DLG2: variants seen among roughly 807,000 people sequenced by gnomAD.
DLG2 encodes disks large homolog 2.
A neutral mutation model predicts 132.5 loss-of-function variants in DLG2; 45 were observed. That is an observed-to-expected ratio of 0.34 (90% confidence interval 0.27 to 0.44). The LOEUF is 0.44. DLG2 is among the 20% of genes least tolerant of loss of function. DLG2 has a pLI of 1.00. For missense variants in DLG2, 1,045 were observed against 1,196.9 expected, an observed-to-expected ratio of 0.87 and a Z score of 1.87; for synonymous variants, 424 against 419.6, an observed-to-expected ratio of 1.01 and a Z score of -0.13.
chr11:83,688,017 A>T (rs2080131679), intron 18 of DLG2, among the ~76,000 whole-genome samples: 1 of 148,344 alleles, frequency 6.7e-6, no homozygotes, highest in Non-Finnish European at 1.5e-5. Context: ...TCTCAAAAGA[A>T]AAAAAAAAAA....
intron 7 of DLG2, among the ~76,000 whole-genome samples, chr11:84,490,649 CAAA>C (rs5793124): frequency 4.4e-5 from 3 of 68,948 alleles, no homozygotes; most frequent in Admixed American, 1.6e-4. Flanking sequence ...CATATATGAG[CAAA>C]AAAAAAAAAA....
intron 20 of DLG2, 88 bp downstream of exon 20, chr11:83,541,594 T>A: frequency 8.5e-7 from 1 of 1,178,208 alleles, no homozygotes; most frequent in Non-Finnish European, 1.1e-6. Context: ...TTTAATTTTG[T>A]GAACAGTTTC....
At chr11:83,608,398 T>G (rs2059643862) in intron 19 of DLG2, among the ~76,000 whole-genome samples, 1 of 152,110 alleles carries the variant, frequency 6.6e-6, no homozygotes. Context: ...TTAAAAAATC[T>G]GAAATTCAAA....
intron 5 of DLG2, among the ~76,000 whole-genome samples, chr11:85,145,346 G>A (rs187872862): frequency 9.9e-4 from 150 of 151,892 alleles, no homozygotes; most frequent in Middle Eastern, 3.4e-3. Context: ...TATGACCTTC[G>A]TCTACCCGAT....
At chr11:85,460,059 G>A (rs2092555820) in intron 3 of DLG2, among the ~76,000 whole-genome samples, 1 of 152,202 alleles carries the variant, frequency 6.6e-6, no homozygotes, top group Non-Finnish European at 1.5e-5. Flanking sequence ...CCATCCCAGG[G>A]AAGTGCAGAG....
intron 3 of DLG2, among the ~76,000 whole-genome samples, chr11:85,489,692 GA>G (rs1176518732): frequency 6.6e-6 from 1 of 152,012 alleles, no homozygotes; most frequent in African/African-American, 2.4e-5. Flanking sequence ...TCATATTTTT[GA>G]AAATCAAAAT....
At chr11:83,884,793 A>G (rs1192287520) in intron 15 of DLG2, among the ~76,000 whole-genome samples, 2 of 152,152 alleles carry the variant, frequency 1.3e-5, no homozygotes, top group African/African-American at 4.8e-5. Context: ...GTTCACAAAA[A>G]TCCACTGTTC....
At chr11:85,563,814 ATTTCCCT>A (rs1381616644) in intron 3 of DLG2, among the ~76,000 whole-genome samples, 2 of 152,078 alleles carry the variant, frequency 1.3e-5, no homozygotes, top group African/African-American at 4.8e-5. Flanking sequence ...AAATATTTTC[ATTTCCCT>A]TAGGTAAATA....
chr11:83,889,671 T>G lies in DLG2; in HGVS notation c.1497-15183A>C, dbSNP rs954756643. On this transcript the variant is annotated intron_variant, in intron 15 of 27. Coordinates refer to ENST00000376104, the MANE Select transcript of DLG2 (RefSeq NM_001142699.3). Reference sequence around the variant, plus strand: ...AGACACATGCACATGTATGTTTATTTCGGCACTATTCACAATAGCAAAGAC... The same window carrying G: ...AGACACATGCACATGTATGTTTATTGCGGCACTATTCACAATAGCAAAGAC... Among the ~76,000 whole-genome samples the G allele has an allele frequency of 3.1e-4, 47 of 152,110 alleles. No homozygotes were observed. In the East Asian group the frequency reaches 4.7e-3, roughly 15 times the overall value.
At chr11:83,497,534 C>CAAAA (rs201552213) in intron 21 of DLG2, among the ~76,000 whole-genome samples, 17 of 84,264 alleles carry the variant, frequency 2.0e-4, no homozygotes, top group South Asian at 3.8e-4. Flanking sequence ...GACTTCGTCT[C>CAAAA]AAAAACAAAA....
At chr11:84,000,834 C>A (rs2514155) in intron 11 of DLG2, among the ~76,000 whole-genome samples, 17,171 of 152,056 alleles carry the variant, frequency 0.11, 1,332 homozygotes, top group East Asian at 0.3. Flanking sequence ...CACCACTAGA[C>A]CAGCTCTATA....
intron 7 of DLG2, among the ~76,000 whole-genome samples, chr11:84,313,091 G>A (rs947794900): frequency 3.9e-5 from 6 of 152,058 alleles, no homozygotes; most frequent in Non-Finnish European, 8.8e-5. Flanking sequence ...TTACAGGCGT[G>A]AGTCACTGCA....
At chr11:84,917,710 C>T (rs937613252) in intron 6 of DLG2, among the ~76,000 whole-genome samples, 3 of 152,068 alleles carry the variant, frequency 2.0e-5, no homozygotes, top group African/African-American at 7.2e-5. Context: ...TACTTATTAA[C>T]TCCTTGTTTA....
intron 7 of DLG2, among the ~76,000 whole-genome samples, chr11:84,491,568 A>C (rs923901892): frequency 7.2e-5 from 11 of 152,170 alleles, no homozygotes; most frequent in African/African-American, 1.7e-4. Flanking sequence ...TTGTATGACC[A>C]CATCCTTGTT....
At chr11:84,207,268 G>A (rs1264730064) in intron 8 of DLG2, among the ~76,000 whole-genome samples, 1 of 151,812 alleles carries the variant, frequency 6.6e-6, no homozygotes, top group Admixed American at 6.6e-5. Flanking sequence ...ATCATAGCAG[G>A]CTTTCTGCAG....
At chr11:84,664,396 A>G (rs999778126) in intron 6 of DLG2, among the ~76,000 whole-genome samples, 7 of 152,198 alleles carry the variant, frequency 4.6e-5, no homozygotes, top group African/African-American at 1.7e-4. Context: ...GAAAATGACA[A>G]CTGACTCTAA....
At chr11:85,039,912 C>A (rs1363719900) in intron 6 of DLG2, among the ~76,000 whole-genome samples, 3 of 151,786 alleles carry the variant, frequency 2.0e-5, no homozygotes, top group Non-Finnish European at 4.4e-5. Flanking sequence ...CATTGGCAGT[C>A]CTTAGTAATT....
At chr11:84,965,485 T>C (rs776691869) in intron 6 of DLG2, among the ~76,000 whole-genome samples, 6 of 152,068 alleles carry the variant, frequency 3.9e-5, no homozygotes, top group Non-Finnish European at 4.4e-5. Context: ...GGGACTTAAA[T>C]GATCCAATTC....
intron 3 of DLG2, among the ~76,000 whole-genome samples, chr11:85,422,163 AG>A (rs1224149002): frequency 2.0e-5 from 3 of 152,222 alleles, no homozygotes; most frequent in Admixed American, 1.3e-4. Flanking sequence ...CAATGTGCCT[AG>A]GCAATAATCT....
Sources: allele counts gnomAD v4.1 joint callset (sites outside exome capture counted in the v4.1 genomes callset), GRCh38; gene constraint gnomAD v4.1.1; transcripts MANE v1.5; gene names NCBI Gene and HGNC (gene_info 2026-07-23, HGNC 2026-07-21).